ZNF787: variants seen among roughly 807,000 people sequenced by gnomAD.
The protein encoded by ZNF787 is zinc finger protein 787.
ZNF787 carries 7 observed loss-of-function variants against 16.9 expected under a neutral mutation model. That is an observed-to-expected ratio of 0.42 (90% confidence interval 0.24 to 0.78). ZNF787 has a LOEUF of 0.78. Among genes scored for constraint, ZNF787 ranks in the 30% least tolerant of loss-of-function variants. The probability of loss-of-function intolerance (pLI) is 0.30; values close to 1 mark genes in which losing one functional copy is unlikely to be tolerated. For missense variants in ZNF787, 551 were observed against 589.3 expected (o/e 0.94, Z 0.67); for synonymous variants, 345 against 270.9 (o/e 1.27, Z -2.69).
chr19:56,098,436 G>A (rs1452699794), intron 2 of ZNF787, among the ~76,000 whole-genome samples: 1 of 151,948 alleles, frequency 6.6e-6, no homozygotes, highest in Non-Finnish European at 1.5e-5. Flanking sequence ...CAGGTAATAC[G>A]GCCGCAGGGT....
intron 2 of ZNF787, among the ~76,000 whole-genome samples, chr19:56,089,964 G>A (rs912181304): frequency 6.6e-6 from 1 of 152,116 alleles, no homozygotes; most frequent in Non-Finnish European, 1.5e-5. Context: ...CTCTCCCTTG[G>A]GGCCTGGTCC....
Position 56,088,362 on chromosome 19 carries a change from C to G in ZNF787, c.810G>C (p.Arg270=). ...GCTTGGGGGCCGGGGCGCGCCGCGACCGGGGCCCCGCGGCCTTTGCCCCCG... is the reference window on the plus strand; with the variant it reads ...GCTTGGGGGCCGGGGCGCGCCGCGAGCGGGGCCCCGCGGCCTTTGCCCCCG... ...AGAGAKAAGP[R]SRRAPAPKPY... The change falls in exon 3 of 3, where the codon CGG becomes CGC. Residue 270 remains arginine, a synonymous_variant. Coordinates refer to ENST00000610935, the MANE Select transcript of ZNF787 (RefSeq NM_001002836.4). This position sits in a 1 kb window ranked among gnomAD's most constrained non-coding sequence, Gnocchi z 8.6. 1 of 1,135,564 alleles carries G rather than the reference C, an allele frequency of 8.8e-7. No homozygotes were observed. The highest frequency in any genetic ancestry group is 1.1e-6 in the Non-Finnish European group (1 of 925,678). 70.3% of individuals were successfully genotyped at this position (1,135,564 alleles called of 1,614,324 possible).
chr19:56,097,045 T>C (rs769754208), intron 2 of ZNF787, among the ~76,000 whole-genome samples: 4 of 152,116 alleles, frequency 2.6e-5, no homozygotes, highest in Non-Finnish European at 4.4e-5. Flanking sequence ...GGTCTCACCC[T>C]CCTGAGATCT....
intron 1 of ZNF787, among the ~76,000 whole-genome samples, chr19:56,118,800 G>C (rs1332584052): frequency 6.6e-6 from 1 of 152,164 alleles, no homozygotes; most frequent in Non-Finnish European, 1.5e-5. Flanking sequence ...GTCTGAGGAT[G>C]GGTGTCCTGA....
At chr19:56,092,036 CGAA>C (rs1269078344) in intron 2 of ZNF787, among the ~76,000 whole-genome samples, 55 of 151,780 alleles carry the variant, frequency 3.6e-4, no homozygotes, top group African/African-American at 5.8e-4. Context: ...AAGCCGAAGC[CGAA>C]GCCGAAGCCT....
chr19:56,087,731 C>G lies in ZNF787; in HGVS notation c.*292G>C, dbSNP rs763035458. On this transcript the variant is annotated 3_prime_UTR_variant, in exon 3 of 3. Coordinates refer to ENST00000610935, the MANE Select transcript of ZNF787 (RefSeq NM_001002836.4). Reference sequence around the variant, plus strand: ...AATGGCCTTCCGCTTGGGGCCTGGTCGCCACTCGGCCTCTGCAGTTCTCTC... The same window carrying G: ...AATGGCCTTCCGCTTGGGGCCTGGTGGCCACTCGGCCTCTGCAGTTCTCTC... The G allele has an allele frequency of 6.9e-6, 2 of 288,498 alleles. No homozygotes were observed. The highest frequency in any genetic ancestry group is 1.2e-5 in the Non-Finnish European group (2 of 165,028). 17.9% of individuals were successfully genotyped at this position (288,498 alleles called of 1,614,324 possible). A position where few individuals can be genotyped will look rare whatever the true frequency, so the allele number is the denominator to read the frequency against.
chr19:56,089,967 C>A (rs1985508832), intron 2 of ZNF787, among the ~76,000 whole-genome samples: 1 of 152,206 alleles, frequency 6.6e-6, no homozygotes, highest in Non-Finnish European at 1.5e-5. Flanking sequence ...TCCCTTGGGG[C>A]CTGGTCCAGA....
At chr19:56,090,964 G>A (rs932477373) in intron 2 of ZNF787, among the ~76,000 whole-genome samples, 1 of 152,236 alleles carries the variant, frequency 6.6e-6, no homozygotes, top group Non-Finnish European at 1.5e-5. Context: ...CCAAGGCAGA[G>A]AGTATTCGAA....
At chr19:56,102,457 G>T (rs1448293725) in intron 2 of ZNF787, 2 of 168,564 alleles carry the variant, frequency 1.2e-5, no homozygotes, top group Non-Finnish European at 2.5e-5. Context: ...GAGGCCATGA[G>T]GTGTCAGGGG....
At position 56,107,011 on chromosome 19, in the gene ZNF787, G is replaced by A. The variant is rs570168741; in HGVS notation, c.-10-3784C>T. 3.3e-5 allele frequency among the ~76,000 whole-genome samples: 5 copies of A among 152,248 alleles called. No individual in the cohort carries two copies. In the South Asian group the frequency reaches 8.3e-4, roughly 25 times the overall value. On this transcript the variant is annotated intron_variant, in intron 1 of 2. Transcript: ENST00000610935. ...CCTCACGAAGGGCCTGAGAGTCTGA[G>A]GAGAACTCGGGACGTGCCTGTTTAA...
At chr19:56,120,801 G>T (rs1223569534) in intron 1 of ZNF787, among the ~76,000 whole-genome samples, 4 of 150,114 alleles carry the variant, frequency 2.7e-5, no homozygotes, top group Admixed American at 2.6e-4. Flanking sequence ...GGGACGGACA[G>T]CGGCCCCACC....
At chr19:56,105,884 CCG>C (rs1986284632) in intron 1 of ZNF787, among the ~76,000 whole-genome samples, 2 of 151,836 alleles carry the variant, frequency 1.3e-5, no homozygotes, top group Non-Finnish European at 1.5e-5. Context: ...GCGCATTCCC[CCG>C]GCCGCGCCCA....
chr19:56,097,578 A>G (rs1021964804), intron 2 of ZNF787, among the ~76,000 whole-genome samples: 10 of 152,250 alleles, frequency 6.6e-5, no homozygotes, highest in African/African-American at 2.4e-4. Context: ...CAGGAGGAGG[A>G]AACACCCGCA....
At chr19:56,113,096 A>G (rs2030027439) in intron 1 of ZNF787, among the ~76,000 whole-genome samples, 1 of 152,104 alleles carries the variant, frequency 6.6e-6, no homozygotes, top group African/African-American at 2.4e-5. Context: ...ACCCGGGCAA[A>G]GGATCCGAGA....
rs1985351685 is a variant in ZNF787, at chr19:56,087,844, C to A, written c.*179G>T. 1 of 1,018,962 alleles carries A rather than the reference C, an allele frequency of 9.8e-7. No individual in the cohort carries two copies. Among genetic ancestry groups the A allele is most frequent in the African/African-American group, 1.7e-5 (1 of 58,990 alleles). The allele number at this position is 1,018,962 out of a possible 1,614,324, so 63.1% of individuals were successfully genotyped here. ...GTCTCGAGGCGGAGAAGTGAACGGG[C>A]CCTAATACGCCCCAGTGCCCCCCCA... is the stretch of plus-strand genomic sequence containing the variant. On this transcript the variant is annotated 3_prime_UTR_variant, in exon 3 of 3. Coordinates refer to ENST00000610935, the MANE Select transcript of ZNF787 (RefSeq NM_001002836.4).
chr19:56,092,016 A>G (rs111514056), intron 2 of ZNF787, among the ~76,000 whole-genome samples: 1,775 of 144,884 alleles, frequency 0.012, 24 homozygotes, highest in African/African-American at 0.033. Flanking sequence ...CAAAGCCGAA[A>G]CCGAAGCCGA....
At chr19:56,089,591 C>T (rs971222506) in intron 2 of ZNF787, among the ~76,000 whole-genome samples, 4 of 152,096 alleles carry the variant, frequency 2.6e-5, no homozygotes, top group Admixed American at 1.3e-4. Context: ...CGCCAGGGAG[C>T]GATGGTGTCA....
At chr19:56,120,873 A>G (rs1293752394) in intron 1 of ZNF787, among the ~76,000 whole-genome samples, 1 of 70,800 alleles carries the variant, frequency 1.4e-5, no homozygotes, top group Non-Finnish European at 2.7e-5. Context: ...CGCCACGCGC[A>G]CGCGCGCGCC....
intron 1 of ZNF787, among the ~76,000 whole-genome samples, chr19:56,118,876 CTGT>C (rs2030210211): frequency 6.6e-6 from 1 of 152,130 alleles, no homozygotes; most frequent in African/African-American, 2.4e-5. Context: ...TGGCCTTGAG[CTGT>C]GACCCCTGCC....
Sources: allele counts gnomAD v4.1 joint callset (sites outside exome capture counted in the v4.1 genomes callset), GRCh38; gene constraint gnomAD v4.1.1; non-coding constraint Gnocchi (gnomAD v3.1); transcripts MANE v1.5; gene names NCBI Gene and HGNC (gene_info 2026-07-23, HGNC 2026-07-21).